Variants in CFAP46 observed in about 807,000 individuals in gnomAD.
The protein encoded by CFAP46 is cilia- and flagella-associated protein 46.
Under a neutral mutation model 325.7 loss-of-function variants are expected in CFAP46, and 245 were observed. The observed-to-expected ratio is 0.75, with a 90% CI of 0.68 to 0.84. The LOEUF is 0.84. Among genes scored for constraint, CFAP46 ranks in the 40% least tolerant of loss-of-function variants. The pLI, the probability that CFAP46 is intolerant of heterozygous loss-of-function variation, is 0.00. For missense variants in CFAP46, 3,346 were observed against 3,543.0 expected (o/e 0.94, Z 1.41); for synonymous variants, 1,523 against 1,495.9 (o/e 1.02, Z -0.42).
intron 22 of CFAP46, among the ~76,000 whole-genome samples, chr10:132,902,436 G>A (rs758475192): frequency 1.3e-5 from 2 of 152,192 alleles, no homozygotes; most frequent in African/African-American, 4.8e-5. Flanking sequence ...TTCCAGTGGC[G>A]TTTGCATTTC....
chr10:132,861,825 C>A (rs533056812), intron 35 of CFAP46, among the ~76,000 whole-genome samples: 1 of 152,222 alleles, frequency 6.6e-6, no homozygotes, highest in Non-Finnish European at 1.5e-5. Context: ...GCAGGCCCCT[C>A]CCAGGTGTAG....
intron 53 of CFAP46, 36 bp downstream of exon 53, chr10:132,814,541 C>A (rs759563001): frequency 6.5e-7 from 1 of 1,550,258 alleles, no homozygotes; most frequent in Non-Finnish European, 8.7e-7. Flanking sequence ...CCGAGGCTGG[C>A]GTGTGCCTGA....
chr10:132,871,556 G>A (rs1848896013), intron 32 of CFAP46, among the ~76,000 whole-genome samples: 1 of 152,224 alleles, frequency 6.6e-6, no homozygotes, highest in Admixed American at 6.5e-5. Flanking sequence ...CAAACCTCAT[G>A]GATGACTTTG....
intron 14 of CFAP46, 55 bp downstream of exon 14, chr10:132,920,004 C>T: frequency 6.9e-7 from 1 of 1,448,154 alleles, no homozygotes; most frequent in South Asian, 1.4e-5. Flanking sequence ...GGCCCTCGGG[C>T]TGAGCGACCC....
intron 54 of CFAP46, 141 bp downstream of exon 54, chr10:132,814,011 G>T: frequency 1.5e-6 from 1 of 658,628 alleles, no homozygotes; most frequent in South Asian, 1.8e-5. Context: ...TCAAGGAGCT[G>T]GGTCTGTCTC....
At chr10:132,875,665 C>T (rs533405953) in intron 31 of CFAP46, among the ~76,000 whole-genome samples, 1 of 152,154 alleles carries the variant, frequency 6.6e-6, no homozygotes, top group African/African-American at 2.4e-5. Flanking sequence ...AATGGGACAC[C>T]CTGACTGCCA....
At chr10:132,932,590 G>GCGGCTTCCCCCTCCC (rs1439495131) in intron 8 of CFAP46, among the ~76,000 whole-genome samples, 2 of 148,054 alleles carry the variant, frequency 1.4e-5, no homozygotes, top group African/African-American at 2.5e-5. Flanking sequence ...CATAGATCCT[G>GCGGCTTCCCCCTCCC]CAGCTTCCTC....
chr10:132,809,042 G>C, intron 57 of CFAP46, 138 bp from the exon 58 acceptor site: 1 of 884,742 alleles, frequency 1.1e-6, no homozygotes. Flanking sequence ...CATTCGCCAG[G>C]CCTCCAGGGC....
chr10:132,933,686 G>A (rs12357485), intron 8 of CFAP46, among the ~76,000 whole-genome samples: 9,697 of 152,304 alleles, frequency 0.064, 369 homozygotes, highest in South Asian at 0.088. Context: ...GCTGAGCAGC[G>A]GAGACCTCAA....
chr10:132,870,413 G>A (rs1318902775), intron 32 of CFAP46, among the ~76,000 whole-genome samples: 3 of 152,176 alleles, frequency 2.0e-5, no homozygotes, highest in Non-Finnish European at 4.4e-5. Flanking sequence ...TGAGGAAAGC[G>A]CGTCAGAAGT....
At chr10:132,845,940 C>T in intron 44 of CFAP46, 117 bp downstream of exon 44, 3 of 1,168,358 alleles carry the variant, frequency 2.6e-6, no homozygotes, top group Non-Finnish European at 1.2e-6. Flanking sequence ...AGGGATGGCT[C>T]ATGAGCTGGG....
Position 132,860,519 on chromosome 10 carries a change from C to T in CFAP46, c.5096G>A (p.Cys1699Tyr). The change falls in exon 37 of 58, where the codon TGT (cysteine) becomes TAT (tyrosine). Residue 1699 changes from cysteine to tyrosine, a missense_variant. Physicochemically the swap from Cys to Tyr is radical, Grantham distance 194 (BLOSUM62 -2). Transcript: ENST00000368586. ...MEHSGREATV[C>Y]HIFQKLINAF... ...ATTGATGAGCTTCTGAAATATGTGACACACCTGAGGACAGGCAGGGGTGGA... is the reference window on the plus strand; with the variant it reads ...ATTGATGAGCTTCTGAAATATGTGATACACCTGAGGACAGGCAGGGGTGGA... The T allele has an allele frequency of 6.5e-7, 1 of 1,549,124 alleles. No homozygotes were observed. The highest frequency in any genetic ancestry group is 8.7e-7 in the Non-Finnish European group (1 of 1,145,416).
rs1278946769 is a variant in CFAP46 at position 132,876,632 on chromosome 10, T to A, written c.4362+180A>T. ...GAAAGAAGGAAGGCTTTCCTAAGTG[T>A]CGGCAGTTGAGGGCAGACAGTGGTG... On this transcript the variant is annotated intron_variant, in intron 31 of 57. Coordinates refer to ENST00000368586, the MANE Select transcript of CFAP46 (RefSeq NM_001200049.3). The surrounding 1 kb of genome is among the most constrained non-coding windows in gnomAD (Gnocchi z 4.1). 6.6e-6 allele frequency among the ~76,000 whole-genome samples: 1 copy of A among 152,176 alleles called. No individual in the cohort carries two copies. Among genetic ancestry groups the A allele is most frequent in the Non-Finnish European group, 1.5e-5 (1 of 68,036 alleles).
chr10:132,899,804 G>T, intron 22 of CFAP46, 138 bp from the exon 23 acceptor site: 1 of 1,032,250 alleles, frequency 9.7e-7, no homozygotes, highest in Non-Finnish European at 1.4e-6. Flanking sequence ...AAGCACATGT[G>T]CACAGGGCTC....
In CFAP46 at chr10:132,832,822, GCTGGCTGTTTA is replaced by G. The variant is rs1302778512; in HGVS notation, c.7117+525_7117+535del. 3 of 470,814 alleles carry G rather than the reference GCTGGCTGTTTA, an allele frequency of 6.4e-6. No homozygotes were observed. Among genetic ancestry groups the G allele is most frequent in the Non-Finnish European group, 1.3e-5 (3 of 226,928 alleles). The allele number at this position is 470,814 out of a possible 1,614,324, so 29.2% of individuals were successfully genotyped here. A position where few individuals can be genotyped will look rare whatever the true frequency, so the allele number is the denominator to read the frequency against. ...CACTGTCTGAGTGATTAACGGAGAG[GCTGGCTGTTTA>G]CTACACATCTGGTCCCCTCCTTTGA... On this transcript the variant is annotated intron_variant, in intron 50 of 57. Coordinates refer to ENST00000368586, the MANE Select transcript of CFAP46 (RefSeq NM_001200049.3). This position sits in a 1 kb window ranked among gnomAD's most constrained non-coding sequence, Gnocchi z 4.1.
At chr10:132,872,023 G>A (rs1342536029) in intron 32 of CFAP46, among the ~76,000 whole-genome samples, 1 of 152,174 alleles carries the variant, frequency 6.6e-6, no homozygotes, top group African/African-American at 2.4e-5. Context: ...ATGGATGTAT[G>A]TACATTTTTT....
At chr10:132,888,989 C>T (rs1478285956) in intron 25 of CFAP46, among the ~76,000 whole-genome samples, 1 of 152,366 alleles carries the variant, frequency 6.6e-6, no homozygotes, top group South Asian at 2.1e-4. Flanking sequence ...TCCACCCACC[C>T]TCTGGAGCCT....
chr10:132,919,380 C>A lies in CFAP46; in HGVS notation c.1793G>T (p.Arg598Leu), dbSNP rs576250380. 4 of 1,550,122 alleles carry A rather than the reference C, an allele frequency of 2.6e-6. No individual in the cohort carries two copies. Among genetic ancestry groups the A allele is most frequent in the Non-Finnish European group, 3.5e-6 (4 of 1,146,908 alleles). ...CAGGAGGCAGAAGCGGCTCGCCGTC[C>A]GACAGACGTCCCACACGCCTTGTTT... ...ARKQGVWDVC[R>L]TASRFCLLYD... Residue 598 changes from arginine (R) to leucine (L), a missense_variant, in exon 15 of 58, where the codon CGG becomes CTG. Transcript: ENST00000368586. This position sits in a 1 kb window ranked among gnomAD's most constrained non-coding sequence, Gnocchi z 9.7.
intron 9 of CFAP46, among the ~76,000 whole-genome samples, chr10:132,928,017 G>A (rs930005785): frequency 5.3e-5 from 8 of 152,334 alleles, no homozygotes; most frequent in South Asian, 2.1e-4. Flanking sequence ...TCCTCAAGCC[G>A]GGGCAGAGGA....
Sources: gnomAD v4.1 joint callset for allele counts (sites outside exome capture counted in the v4.1 genomes callset) on GRCh38, gnomAD v4.1.1 for gene constraint, Gnocchi (gnomAD v3.1) non-coding constraint, MANE v1.5 for transcripts, NCBI Gene and HGNC (gene_info 2026-07-23, HGNC 2026-07-21) for gene names.